The following RSRP1 variants were observed in gnomAD, a reference collection of about 807,000 sequenced individuals.
RSRP1 encodes arginine and serine rich protein 1.
A neutral mutation model predicts 33.0 loss-of-function variants in RSRP1; 37 were observed. The ratio of observed to expected loss-of-function variants is 1.12; its 90% CI spans 0.86 to 1.48. The LOEUF is 1.48. Ranked by LOEUF, RSRP1 falls within the 40% of genes most tolerant of loss-of-function variation. RSRP1 has a pLI of 0.00. For missense variants in RSRP1, 402 were observed against 385.3 expected, an observed-to-expected ratio of 1.04 and a Z score of -0.36; for synonymous variants, 167 against 158.7, an observed-to-expected ratio of 1.05 and a Z score of -0.40.
chr1:25,264,025 G>C (rs2124565571), intron 1 of RSRP1, among the ~76,000 whole-genome samples: 2 of 152,210 alleles, frequency 1.3e-5, no homozygotes, highest in South Asian at 4.1e-4. Flanking sequence ...GCAGATGGAA[G>C]GGGTGGGTTC....
intron 1 of RSRP1, chr1:25,253,241 A>AG (rs1446226198): frequency 6.6e-6 from 1 of 152,184 alleles, no homozygotes; most frequent in Non-Finnish European, 1.5e-5. Context: ...GGCTCGTTCT[A>AG]AACAAGTTGA....
chr1:25,311,391 G>C (rs1429128674), intron 1 of RSRP1, among the ~76,000 whole-genome samples: 1 of 131,056 alleles, frequency 7.6e-6, no homozygotes, highest in African/African-American at 2.6e-5. Context: ...CAGGCGTGGT[G>C]GTGGGCGCCT....
At position 25,272,786 on chromosome 1, in the gene RSRP1, T is replaced by G; in HGVS notation, c.-66-25757A>C. The G allele has an allele frequency of 1.2e-5, 16 of 1,317,994 alleles. 4 individuals carry two copies. The highest frequency in any genetic ancestry group is 1.7e-5 in the Non-Finnish European group (16 of 930,016). The allele number at this position is 1,317,994 out of a possible 1,614,324, so 81.6% of individuals were successfully genotyped here. A position where few individuals can be genotyped will look rare whatever the true frequency, so the allele number is the denominator to read the frequency against. ...GGTTCTCCAGGGGCACAGATGTTCC[T>G]TTCTACAAAATCCCAAGGAAAAAGA... On this transcript the variant is annotated intron_variant, in intron 1 of 1. Coordinates refer to the RSRP1 transcript ENST00000561867.
At chr1:25,306,847 G>A (rs767719290) in intron 1 of RSRP1, 35 of 984,960 alleles carry the variant, frequency 3.6e-5, no homozygotes, top group African/African-American at 2.8e-4. Context: ...AGTAGGCTTC[G>A]GTGAATATTT....
chr1:25,257,033 T>A (rs1639970310), intron 1 of RSRP1, among the ~76,000 whole-genome samples: 2 of 152,226 alleles, frequency 1.3e-5, no homozygotes, highest in Non-Finnish European at 2.9e-5. Flanking sequence ...AGCCACATGC[T>A]GCTTTAAGTA....
intron 3 of RSRP1, chr1:25,244,555 G>C (rs190581526): frequency 7.8e-7 from 1 of 1,288,280 alleles, no homozygotes; most frequent in African/African-American, 1.5e-5. Context: ...TACAGAATTT[G>C]TGGGAACATA....
upstream of RSRP1, among the ~76,000 whole-genome samples, chr1:25,249,675 G>A (rs1224663681): frequency 6.6e-6 from 1 of 152,148 alleles, no homozygotes; most frequent in East Asian, 1.9e-4. Flanking sequence ...TGGAAACAGT[G>A]GGAAACATTA....
intron 1 of RSRP1, among the ~76,000 whole-genome samples, chr1:25,299,297 G>C (rs1184783401): frequency 2.3e-5 from 3 of 130,142 alleles, no homozygotes. Flanking sequence ...CAGGAGAATC[G>C]CTTGAACCCA....
chr1:25,301,680 C>A lies in RSRP1; in HGVS notation c.-67+36298G>T, dbSNP rs769694058. The stretch of plus-strand genomic sequence containing the variant: ...CCTTGGCTCACCCCCAAGGGAAGAT[C>A]AGCAAGGTGAGCAGGGCGCTGCCCT... On this transcript the variant is annotated intron_variant, in intron 1 of 1. Transcript: ENST00000561867. The A allele has an allele frequency of 8.7e-6, 12 of 1,379,478 alleles. 4 individuals are homozygous for A. Among genetic ancestry groups the A allele is most frequent in the Non-Finnish European group, 1.0e-5 (10 of 978,698 alleles). 85.5% of individuals were successfully genotyped at this position (1,379,478 alleles called of 1,614,324 possible).
chr1:25,337,113 T>C (rs755522623), intron 1 of RSRP1: 1 of 160,274 alleles, frequency 6.2e-6, no homozygotes, highest in African/African-American at 2.4e-5. Flanking sequence ...CTCTGTGTTC[T>C]TTCGGGTGCA....
rs1212452977 is a variant in RSRP1 at position 25,296,912 on chromosome 1, G to A, written c.-67+41066C>T. Among the ~76,000 whole-genome samples the A allele has an allele frequency of 1.2e-4, 16 of 130,256 alleles. 5 individuals are homozygous for A. Among genetic ancestry groups the A allele is most frequent in the Admixed American group, 1.0e-3 (14 of 13,382 alleles). 85.5% of individuals were successfully genotyped at this position (130,256 alleles called of 152,430 possible). A position where few individuals can be genotyped will look rare whatever the true frequency, so the allele number is the denominator to read the frequency against. On this transcript the variant is annotated intron_variant, in intron 1 of 1. Coordinates refer to the RSRP1 transcript ENST00000561867. The stretch of plus-strand genomic sequence containing the variant: ...TCTCAGGAAGTATCTTTATAGCAGT[G>A]TGAAAACAGACTAACACAATTTCCT...
chr1:25,295,991 T>G (rs1362788523), intron 1 of RSRP1, among the ~76,000 whole-genome samples: 1 of 116,324 alleles, frequency 8.6e-6, no homozygotes, highest in East Asian at 2.1e-4. Context: ...GCTTCCCGAG[T>G]AGCTGAGATT....
rs997909340 is a variant in RSRP1 at position 25,330,837 on chromosome 1, G to A, written c.-67+7141C>T. Among the ~76,000 whole-genome samples, 2 of 130,204 alleles carry A rather than the reference G, an allele frequency of 1.5e-5. 1 individual carries two copies. The highest frequency in any genetic ancestry group is 1.5e-4 in the Admixed American group (2 of 13,292). 85.4% of individuals were successfully genotyped at this position (130,204 alleles called of 152,430 possible). ...ATAGTTCTGGAGGCTGGAAGTTCAAGGTGCCGGCAAGGTTGGTTTCTGGTG... is the reference window on the plus strand; with the variant it reads ...ATAGTTCTGGAGGCTGGAAGTTCAAAGTGCCGGCAAGGTTGGTTTCTGGTG... On this transcript the variant is annotated intron_variant, in intron 1 of 1. Coordinates refer to the RSRP1 transcript ENST00000561867.
intron 1 of RSRP1, 72 bp from the exon 2 acceptor site, chr1:25,247,101 G>T (rs1639510192): frequency 1.0e-6 from 1 of 966,968 alleles, no homozygotes; most frequent in Non-Finnish European, 1.4e-6. Context: ...AGCCACAGTC[G>T]GGGAACCTCC....
chr1:25,262,437 T>C (rs902403951), intron 1 of RSRP1, among the ~76,000 whole-genome samples: 1 of 152,120 alleles, frequency 6.6e-6, no homozygotes, highest in East Asian at 1.9e-4. Context: ...GATAAATACT[T>C]TGAATTCAAA....
chr1:25,305,531 G>A lies in RSRP1; in HGVS notation c.-67+32447C>T, dbSNP rs539006708. On this transcript the variant is annotated intron_variant, in intron 1 of 1. Transcript: ENST00000561867. Reference sequence around the variant, plus strand: ...CCTACCTCAGCCTCCTGAGTAGCTGGGATTACAGGTGCCCACCACCATGCC... The same window carrying A: ...CCTACCTCAGCCTCCTGAGTAGCTGAGATTACAGGTGCCCACCACCATGCC... Among the ~76,000 whole-genome samples, 583 of 128,962 alleles carry A rather than the reference G, an allele frequency of 4.5e-3. 92 individuals are homozygous for A. Among genetic ancestry groups the A allele is most frequent in the African/African-American group, 0.015 (560 of 37,420 alleles). 84.6% of individuals were successfully genotyped at this position (128,962 alleles called of 152,430 possible). A position where few individuals can be genotyped will look rare whatever the true frequency, so the allele number is the denominator to read the frequency against.
At chr1:25,286,790 A>G (rs1377350456) in intron 1 of RSRP1, among the ~76,000 whole-genome samples, 5 of 132,378 alleles carry the variant, frequency 3.8e-5, no homozygotes, top group Non-Finnish European at 7.1e-5. Context: ...CGTCTCAAAA[A>G]AAAAAAACAA....
rs1238549313 is a variant in RSRP1 at position 25,329,392 on chromosome 1, C to T, written c.-67+8586G>A. 7.6e-5 allele frequency: 22 copies of T among 289,946 alleles called. 3 individuals carry two copies. Among genetic ancestry groups the T allele is most frequent in the Admixed American group, 5.0e-5 (1 of 20,024 alleles). The allele number at this position is 289,946 out of a possible 1,614,324, so 18.0% of individuals were successfully genotyped here. A position where few individuals can be genotyped will look rare whatever the true frequency, so the allele number is the denominator to read the frequency against. On this transcript the variant is annotated intron_variant, in intron 1 of 1. Coordinates refer to the RSRP1 transcript ENST00000561867. ...CCAAAGTAGCTGGGATTACAGGCAC[C>T]CACCACATCTGGCTAATTTTTTGTA...
Position 25,274,794 on chromosome 1 carries a change from G to A in RSRP1, c.-66-27765C>T, listed in dbSNP as rs1640800504. On this transcript the variant is annotated intron_variant, in intron 1 of 1. Coordinates refer to the RSRP1 transcript ENST00000561867. ...GGCCAAGGCTGGAGAATCACCTGAG[G>A]TTAGGAGTTCGAGACCAGCCTGGCC... 2.2e-5 allele frequency among the ~76,000 whole-genome samples: 3 copies of A among 133,898 alleles called. No homozygotes were observed. The South Asian group carries it at 6.8e-4, about 30-fold the overall frequency. The allele number at this position is 133,898 out of a possible 152,430, so 87.8% of individuals were successfully genotyped here.
Sources: allele counts gnomAD v4.1 joint callset (sites outside exome capture counted in the v4.1 genomes callset), GRCh38; gene constraint gnomAD v4.1.1; transcripts MANE v1.5; gene names NCBI Gene and HGNC (gene_info 2026-07-23, HGNC 2026-07-21).